The following SCD5 variants were observed in gnomAD, a reference collection of about 807,000 sequenced individuals.
The protein encoded by SCD5 is stearoyl-CoA desaturase 5.
A neutral mutation model predicts 30.4 loss-of-function variants in SCD5; 20 were observed. The ratio of observed to expected loss-of-function variants is 0.66; its 90% confidence interval spans 0.46 to 0.96. The LOEUF (loss-of-function observed/expected upper bound fraction) is 0.96. SCD5 is among the 40% of genes least tolerant of loss of function. The pLI, the probability that SCD5 is intolerant of heterozygous loss-of-function variation, is 0.00. For missense variants in SCD5, 381 were observed against 443.3 expected (o/e 0.86, Z 1.26); for synonymous variants, 173 against 176.4 (o/e 0.98, Z 0.16).
chr4:82,780,208 T>G (rs1721838409), intron 1 of SCD5, among the ~76,000 whole-genome samples: 1 of 152,216 alleles, frequency 6.6e-6, no homozygotes, highest in South Asian at 2.1e-4. Flanking sequence ...TTTTCCCTGG[T>G]GTTTCTGCCT....
At chr4:82,657,898 T>A (rs1477953964) in intron 3 of SCD5, among the ~76,000 whole-genome samples, 1 of 152,202 alleles carries the variant, frequency 6.6e-6, no homozygotes, top group Non-Finnish European at 1.5e-5. Context: ...TGGCTGTTTG[T>A]CTACTATTGG....
At chr4:82,752,800 A>G (rs535008826) in intron 1 of SCD5, among the ~76,000 whole-genome samples, 2 of 152,060 alleles carry the variant, frequency 1.3e-5, no homozygotes, top group Non-Finnish European at 2.9e-5. Context: ...TTTCCCCCTA[A>G]ATAAACTTAC....
At chr4:82,634,139 G>A (rs1015829013) in intron 4 of SCD5, among the ~76,000 whole-genome samples, 3 of 152,028 alleles carry the variant, frequency 2.0e-5, no homozygotes, top group Admixed American at 6.5e-5. Context: ...AACATTGTAC[G>A]TATCCATCCA....
At position 82,680,913 on chromosome 4, in the gene SCD5, C is replaced by A; in HGVS notation, c.364-1G>T. The A allele has an allele frequency of 6.2e-7, 1 of 1,611,138 alleles. No homozygotes were observed. The highest frequency in any genetic ancestry group is 8.5e-7 in the Non-Finnish European group (1 of 1,179,798). On this transcript the variant is annotated splice_acceptor_variant, in intron 2 of 4. Coordinates refer to ENST00000319540, the MANE Select transcript of SCD5 (RefSeq NM_001037582.3). LOFTEE classifies it high-confidence loss of function. The stretch of plus-strand genomic sequence containing the variant: ...CCCTGGACCACTCGAAGATGTCATT[C>A]TGCAGAGAGAATGAGAGCCTGAGTG...
chr4:82,762,711 G>C (rs1721403834), intron 1 of SCD5, among the ~76,000 whole-genome samples: 1 of 152,218 alleles, frequency 6.6e-6, no homozygotes, highest in Non-Finnish European at 1.5e-5. Context: ...GTGTTTGCAG[G>C]CAGTGGTTCT....
chr4:82,631,267 T>G lies in SCD5; in HGVS notation c.*60A>C. The G allele has an allele frequency of 6.6e-7, 1 of 1,516,332 alleles. No homozygotes were observed. Among genetic ancestry groups the G allele is most frequent in the Non-Finnish European group, 9.0e-7 (1 of 1,108,704 alleles). The allele number at this position is 1,516,332 out of a possible 1,614,324, so 93.9% of individuals were successfully genotyped here. A position where few individuals can be genotyped will look rare whatever the true frequency, so the allele number is the denominator to read the frequency against. ...ACGATCCAATGTACAAGAGAGCTATTGTAACCAAAGCCATGAACCGAGGTT... is the reference window on the plus strand; with the variant it reads ...ACGATCCAATGTACAAGAGAGCTATGGTAACCAAAGCCATGAACCGAGGTT... On this transcript the variant is annotated 3_prime_UTR_variant, in exon 5 of 5. Transcript: ENST00000319540.
chr4:82,711,866 G>A (rs185962273), intron 1 of SCD5, among the ~76,000 whole-genome samples: 2 of 152,148 alleles, frequency 1.3e-5, no homozygotes, highest in Admixed American at 1.3e-4. Flanking sequence ...CTAGTTTCAT[G>A]GGGAGCTCTA....
intron 1 of SCD5, chr4:82,753,381 C>T (rs780199336): frequency 3.7e-6 from 2 of 533,458 alleles, no homozygotes; most frequent in Non-Finnish European, 7.7e-6. Flanking sequence ...ATTGTGCAGA[C>T]AGCCTGAGTA....
At chr4:82,794,507 G>A (rs1298472127) in intron 1 of SCD5, among the ~76,000 whole-genome samples, 1 of 152,190 alleles carries the variant, frequency 6.6e-6, no homozygotes, top group East Asian at 1.9e-4. Flanking sequence ...GTAACTGCAA[G>A]GCCTCACTCC....
chr4:82,657,585 CTT>C (rs1473297264), intron 3 of SCD5, among the ~76,000 whole-genome samples: 2 of 152,110 alleles, frequency 1.3e-5, no homozygotes, highest in Non-Finnish European at 2.9e-5. Flanking sequence ...TATACAGGCT[CTT>C]TTTTGGTTCC....
chr4:82,742,449 G>C (rs1720894979), intron 1 of SCD5, among the ~76,000 whole-genome samples: 1 of 152,150 alleles, frequency 6.6e-6, no homozygotes, highest in African/African-American at 2.4e-5. Flanking sequence ...AGGATTGCTG[G>C]GGTCTTAGAA....
chr4:82,701,072 A>T (rs896500027), intron 2 of SCD5, among the ~76,000 whole-genome samples: 8 of 152,218 alleles, frequency 5.3e-5, no homozygotes, highest in Non-Finnish European at 1.2e-4. Flanking sequence ...ATGAATGACA[A>T]CAATGTCGTA....
intron 1 of SCD5, among the ~76,000 whole-genome samples, chr4:82,789,756 A>C (rs1323981058): frequency 1.3e-5 from 2 of 152,180 alleles, no homozygotes; most frequent in Non-Finnish European, 2.9e-5. Flanking sequence ...GGGCAGATCC[A>C]TCTTCCCTGG....
chr4:82,760,944 G>A (rs1047859622), intron 1 of SCD5, among the ~76,000 whole-genome samples: 10 of 152,136 alleles, frequency 6.6e-5, no homozygotes, highest in African/African-American at 2.2e-4. Flanking sequence ...CAAGAGTGTG[G>A]GTGAAAATAA....
chr4:82,681,838 C>A (rs909129011), intron 2 of SCD5, among the ~76,000 whole-genome samples: 4 of 152,148 alleles, frequency 2.6e-5, no homozygotes, highest in African/African-American at 7.2e-5. Flanking sequence ...AAGAGAGGGG[C>A]AGTCCTGAGT....
intron 1 of SCD5, among the ~76,000 whole-genome samples, chr4:82,758,842 C>A (rs985532704): frequency 1.1e-4 from 17 of 152,198 alleles, no homozygotes; most frequent in Non-Finnish European, 2.1e-4. Flanking sequence ...GCACACGACA[C>A]AAAGGGTCAC....
In SCD5 at chr4:82,690,114, T is replaced by C. The variant is rs189953728; in HGVS notation, c.364-9202A>G. Among the ~76,000 whole-genome samples the C allele has an allele frequency of 9.1e-3, 1,388 of 152,334 alleles. 15 individuals carry two copies. Among genetic ancestry groups the C allele is most frequent in the Non-Finnish European group, 0.013 (892 of 68,028 alleles). On this transcript the variant is annotated intron_variant, in intron 2 of 4. Transcript: ENST00000319540. ...CCCTGAACTATTATAGAATCCTGGATACAACATTAAATCCCTGACTTTGGT... is the reference window on the plus strand; with the variant it reads ...CCCTGAACTATTATAGAATCCTGGACACAACATTAAATCCCTGACTTTGGT...
At chr4:82,686,537 G>T (rs1055419305) in intron 2 of SCD5, among the ~76,000 whole-genome samples, 10 of 152,130 alleles carry the variant, frequency 6.6e-5, no homozygotes, top group Non-Finnish European at 8.8e-5. Context: ...TAACCACAAG[G>T]ATGCTAACTG....
At chr4:82,699,030 T>C (rs1719756760) in intron 2 of SCD5, among the ~76,000 whole-genome samples, 2 of 152,190 alleles carry the variant, frequency 1.3e-5, no homozygotes, top group Admixed American at 1.3e-4. Context: ...TAAATGTGCA[T>C]TTGGACACTG....
Sources: gnomAD v4.1 joint callset for allele counts (sites outside exome capture counted in the v4.1 genomes callset) on GRCh38, gnomAD v4.1.1 for gene constraint, MANE v1.5 for transcripts, NCBI Gene and HGNC (gene_info 2026-07-23, HGNC 2026-07-21) for gene names.